The following ASAP1 variants were observed in gnomAD, a reference collection of about 807,000 sequenced individuals.
ASAP1 encodes the protein arf-GAP with SH3 domain, ANK repeat and PH domain-containing protein 1.
Under a neutral mutation model 145.2 loss-of-function variants are expected in ASAP1, and 43 were observed. The ratio of observed to expected loss-of-function variants is 0.30; its 90% CI spans 0.23 to 0.38. The LOEUF (loss-of-function observed/expected upper bound fraction) is 0.38. ASAP1 is among the 10% of genes least tolerant of loss of function. ASAP1 has a pLI of 1.00. For missense variants in ASAP1, 1,018 were observed against 1,355.3 expected, an observed-to-expected ratio of 0.75 and a Z score of 3.91; for synonymous variants, 546 against 515.5, an observed-to-expected ratio of 1.06 and a Z score of -0.80.
At chr8:130,105,475 T>C (rs756499030) in intron 24 of ASAP1, among the ~76,000 whole-genome samples, 10 of 152,222 alleles carry the variant, frequency 6.6e-5, no homozygotes, top group Non-Finnish European at 1.0e-4. Context: ...TTTTTCTTTG[T>C]AGCGAGAACA....
chr8:130,059,707 A>T (rs1029967249), intron 28 of ASAP1, among the ~76,000 whole-genome samples: 7 of 152,230 alleles, frequency 4.6e-5, no homozygotes, highest in African/African-American at 1.7e-4. Context: ...GATTTCTACA[A>T]AATTCTATGC....
chr8:130,364,701 C>T (rs1197408388), intron 2 of ASAP1, among the ~76,000 whole-genome samples: 1 of 152,208 alleles, frequency 6.6e-6, no homozygotes, highest in Non-Finnish European at 1.5e-5. Context: ...TGGGATTAAT[C>T]TTCATGTGGG....
intron 13 of ASAP1, among the ~76,000 whole-genome samples, chr8:130,149,625 C>T (rs1489293945): frequency 6.6e-6 from 1 of 152,150 alleles, no homozygotes; most frequent in Non-Finnish European, 1.5e-5. Context: ...GGCCTTCAAA[C>T]CAAAGAATTT....
chr8:130,355,611 C>A (rs1826258491), intron 3 of ASAP1, among the ~76,000 whole-genome samples: 1 of 152,032 alleles, frequency 6.6e-6, no homozygotes, highest in African/African-American at 2.4e-5. Context: ...TTGTGGTATG[C>A]CCCCAAATTT....
chr8:130,427,022 G>C (rs1326240198), intron 1 of ASAP1, among the ~76,000 whole-genome samples: 2 of 152,160 alleles, frequency 1.3e-5, no homozygotes, highest in Admixed American at 6.5e-5. Flanking sequence ...TAAATATCAA[G>C]GTTCCTAGCT....
chr8:130,075,377 A>C (rs2097460011), intron 27 of ASAP1, among the ~76,000 whole-genome samples: 1 of 152,188 alleles, frequency 6.6e-6, no homozygotes, highest in Non-Finnish European at 1.5e-5. Flanking sequence ...AAAGTGTGTT[A>C]CTTCACTGAA....
At chr8:130,289,521 C>T (rs936625059) in intron 3 of ASAP1, among the ~76,000 whole-genome samples, 1 of 152,200 alleles carries the variant, frequency 6.6e-6, no homozygotes, top group African/African-American at 2.4e-5. Flanking sequence ...AGCTACCTTG[C>T]AGACTGGTCC....
intron 4 of ASAP1, among the ~76,000 whole-genome samples, chr8:130,218,080 G>GA (rs1565101189): frequency 2.0e-5 from 3 of 152,052 alleles, no homozygotes; most frequent in Non-Finnish European, 2.9e-5. Flanking sequence ...AAACAGAAAA[G>GA]AAAGGCCACA....
intron 13 of ASAP1, among the ~76,000 whole-genome samples, chr8:130,139,740 A>C (rs1565006589): frequency 1.3e-5 from 2 of 151,406 alleles, no homozygotes; most frequent in African/African-American, 4.8e-5. Context: ...CCATCTCAAA[A>C]AAACAAACAA....
At chr8:130,114,773 T>C (rs1231452126) in intron 23 of ASAP1, among the ~76,000 whole-genome samples, 3 of 151,160 alleles carry the variant, frequency 2.0e-5, no homozygotes, top group Non-Finnish European at 4.4e-5. Context: ...AGGTTAATTT[T>C]TTTTTTTTTT....
chr8:130,342,907 C>T (rs1457290283), intron 3 of ASAP1, among the ~76,000 whole-genome samples: 1 of 152,132 alleles, frequency 6.6e-6, no homozygotes, highest in Admixed American at 6.5e-5. Context: ...TACTTCTCTG[C>T]CAAGTGTTAA....
intron 27 of ASAP1, among the ~76,000 whole-genome samples, chr8:130,073,867 T>A (rs1286319817): frequency 6.6e-6 from 1 of 152,154 alleles, no homozygotes; most frequent in African/African-American, 2.4e-5. Flanking sequence ...AGCCTCAATC[T>A]ATCTGATCAG....
intron 3 of ASAP1, among the ~76,000 whole-genome samples, chr8:130,279,064 C>T (rs369965933): frequency 7.2e-5 from 11 of 152,244 alleles, no homozygotes; most frequent in Non-Finnish European, 1.3e-4. Flanking sequence ...GCCATGTCTA[C>T]CACGGGACAG....
intron 3 of ASAP1, among the ~76,000 whole-genome samples, chr8:130,257,084 A>T (rs989474456): frequency 1.3e-5 from 2 of 152,028 alleles, no homozygotes; most frequent in Admixed American, 6.6e-5. Context: ...TGTTTTCCAA[A>T]TGTCCACGCT....
chr8:130,340,370 A>G (rs992596171), intron 3 of ASAP1, among the ~76,000 whole-genome samples: 1 of 152,234 alleles, frequency 6.6e-6, no homozygotes, highest in African/African-American at 2.4e-5. Context: ...CTCAGGAAGC[A>G]ACCACTGCCA....
At chr8:130,390,242 T>C (rs1332693763) in intron 2 of ASAP1, among the ~76,000 whole-genome samples, 1 of 152,224 alleles carries the variant, frequency 6.6e-6, no homozygotes, top group Non-Finnish European at 1.5e-5. Flanking sequence ...CCTAAAATTA[T>C]ATGAACTTTA....
At chr8:130,180,974 TG>T in intron 7 of ASAP1, 94 bp from the exon 8 acceptor site, 1 of 1,179,116 alleles carries the variant, frequency 8.5e-7, no homozygotes, top group Non-Finnish European at 1.2e-6. Context: ...GGATTTGGGG[TG>T]ACGATGTGTC....
chr8:130,117,429 C>A (rs2135641625), intron 20 of ASAP1, among the ~76,000 whole-genome samples: 1 of 152,288 alleles, frequency 6.6e-6, no homozygotes, highest in Non-Finnish European at 1.5e-5. Flanking sequence ...GCTATATTGT[C>A]TCTGAGGAAG....
chr8:130,176,688 GT>G (rs11324057), intron 9 of ASAP1, among the ~76,000 whole-genome samples: 64,450 of 143,324 alleles, frequency 0.45, 15,527 homozygotes, highest in African/African-American at 0.66. Context: ...CTCTCTTCCT[GT>G]TTTTTTTTTT....
Sources: gnomAD v4.1 joint callset for allele counts (sites outside exome capture counted in the v4.1 genomes callset) on GRCh38, gnomAD v4.1.1 for gene constraint, MANE v1.5 for transcripts, NCBI Gene and HGNC (gene_info 2026-07-23, HGNC 2026-07-21) for gene names.